Variants in SDK1 observed in about 807,000 individuals in gnomAD.
The protein encoded by SDK1 is protein sidekick-1.
A neutral mutation model predicts 245.5 loss-of-function variants in SDK1; 157 were observed. That is an observed-to-expected ratio of 0.64 (90% CI 0.56 to 0.73). The LOEUF (loss-of-function observed/expected upper bound fraction) is 0.73, where lower values mean the gene tolerates loss of function less well. Among genes scored for constraint, SDK1 ranks in the 30% least tolerant of loss-of-function variants. SDK1 has a pLI of 0.00. For missense variants in SDK1, 3,583 were observed against 3,002.3 expected, an observed-to-expected ratio of 1.19 and a Z score of -4.52; for synonymous variants, 1,647 against 1,278.5, an observed-to-expected ratio of 1.29 and a Z score of -6.15.
chr7:3,654,451 C>T (rs978049847), intron 4 of SDK1, among the ~76,000 whole-genome samples: 3 of 152,138 alleles, frequency 2.0e-5, no homozygotes, highest in African/African-American at 7.2e-5. Context: ...GTGAGGATTT[C>T]GTGTTTTCTT....
chr7:3,972,331 G>A (rs186490859), intron 12 of SDK1, among the ~76,000 whole-genome samples: 2 of 152,104 alleles, frequency 1.3e-5, no homozygotes, highest in Non-Finnish European at 2.9e-5. Context: ...CACCTGTCTC[G>A]GCCTCCCAAA....
intron 22 of SDK1, among the ~76,000 whole-genome samples, chr7:4,085,626 A>T (rs1056209536): frequency 3.3e-5 from 5 of 152,018 alleles, no homozygotes; most frequent in Non-Finnish European, 5.9e-5. Flanking sequence ...GTGATCTCAG[A>T]TCACTGCAAC....
chr7:3,351,862 G>C (rs1415714732), intron 1 of SDK1, among the ~76,000 whole-genome samples: 1 of 152,072 alleles, frequency 6.6e-6, no homozygotes, highest in East Asian at 1.9e-4. Flanking sequence ...AAGACTTAAA[G>C]AACATGATCA....
intron 32 of SDK1, among the ~76,000 whole-genome samples, chr7:4,170,720 A>G (rs916780948): frequency 1.3e-5 from 2 of 152,190 alleles, no homozygotes; most frequent in Non-Finnish European, 2.9e-5. Context: ...TAGACTCCAC[A>G]GGGAGGAAAC....
At chr7:3,492,989 C>G (rs190699716) in intron 1 of SDK1, among the ~76,000 whole-genome samples, 5 of 152,118 alleles carry the variant, frequency 3.3e-5, no homozygotes, top group Non-Finnish European at 7.4e-5. Flanking sequence ...CTTGCTCTCT[C>G]GCCCAGGCTG....
rs75643164 is a variant in SDK1 at position 3,902,964 on chromosome 7, C to G, written c.848-47959C>G. On this transcript the variant is annotated intron_variant, in intron 5 of 44. Coordinates refer to ENST00000404826, the MANE Select transcript of SDK1 (RefSeq NM_152744.4). Reference sequence around the variant, plus strand: ...ACAAATGGCCTAATTTTAAAATGGACAAAGGATTTTAATAGGCATTTTTCC... The same window carrying G: ...ACAAATGGCCTAATTTTAAAATGGAGAAAGGATTTTAATAGGCATTTTTCC... Among the ~76,000 whole-genome samples the G allele has an allele frequency of 5.4e-3, 823 of 151,854 alleles. 6 individuals carry two copies. The highest frequency in any genetic ancestry group is 0.019 in the African/African-American group (767 of 41,398).
rs368765118 is a variant in SDK1, at chr7:4,005,822, G to A, written c.2132-5144G>A. ...AAGGCAGACAGATTGCTTGAGTCCAGGTGTTCAAGACAAGCCTGAGCCACG... is the reference window on the plus strand; with the variant it reads ...AAGGCAGACAGATTGCTTGAGTCCAAGTGTTCAAGACAAGCCTGAGCCACG... On this transcript the variant is annotated intron_variant, in intron 14 of 44. Coordinates refer to ENST00000404826, the MANE Select transcript of SDK1 (RefSeq NM_152744.4). Among the ~76,000 whole-genome samples, 581 of 152,266 alleles carry A rather than the reference G, an allele frequency of 3.8e-3. 11 individuals are homozygous for A. The South Asian group carries it at 0.053, about 14-fold the overall frequency.
intron 18 of SDK1, among the ~76,000 whole-genome samples, chr7:4,051,150 ATATACATATAGTATATATG>A (rs1789441220): frequency 7.1e-6 from 1 of 139,908 alleles, no homozygotes; most frequent in South Asian, 2.2e-4. Flanking sequence ...TATGTATAAT[ATATACATATAGTATATATG>A]TATATATTAT....
At chr7:4,110,103 T>C (rs1255333584) in intron 22 of SDK1, among the ~76,000 whole-genome samples, 4 of 152,154 alleles carry the variant, frequency 2.6e-5, no homozygotes, top group Non-Finnish European at 5.9e-5. Flanking sequence ...GGCCTGCCGA[T>C]CTGGCTTCCA....
intron 1 of SDK1, among the ~76,000 whole-genome samples, chr7:3,614,293 T>C (rs1781697121): frequency 1.3e-5 from 2 of 152,340 alleles, no homozygotes; most frequent in Non-Finnish European, 2.9e-5. Context: ...GAAATTTCAC[T>C]TTTCCTTAGT....
chr7:3,485,508 C>G (rs903051839), intron 1 of SDK1, among the ~76,000 whole-genome samples: 4 of 152,020 alleles, frequency 2.6e-5, no homozygotes, highest in Non-Finnish European at 5.9e-5. Flanking sequence ...GGATGAGGTA[C>G]CAGGGTGTAG....
intron 6 of SDK1, among the ~76,000 whole-genome samples, chr7:3,951,526 T>C (rs930660346): frequency 3.3e-5 from 5 of 152,254 alleles, no homozygotes; most frequent in Non-Finnish European, 7.3e-5. Context: ...CCTTGCTTAA[T>C]AGCCCTTGAG....
intron 1 of SDK1, among the ~76,000 whole-genome samples, chr7:3,595,225 T>C (rs1027265510): frequency 1.3e-5 from 2 of 152,068 alleles, no homozygotes; most frequent in African/African-American, 2.4e-5. Context: ...CTTTATGATA[T>C]TTTGCTTGTA....
chr7:3,570,454 G>A (rs1290896211), intron 1 of SDK1, among the ~76,000 whole-genome samples: 2 of 152,082 alleles, frequency 1.3e-5, no homozygotes, highest in Admixed American at 1.3e-4. Flanking sequence ...AACAGGCTAT[G>A]GACGGGTACC....
intron 1 of SDK1, among the ~76,000 whole-genome samples, chr7:3,382,433 A>G (rs1267501376): frequency 7.2e-5 from 11 of 152,306 alleles, no homozygotes; most frequent in South Asian, 4.1e-4. Context: ...GAAATTGACT[A>G]TTTAGCAAGA....
chr7:4,038,227 C>T (rs1319452917), intron 17 of SDK1, among the ~76,000 whole-genome samples: 1 of 152,240 alleles, frequency 6.6e-6, no homozygotes, highest in Non-Finnish European at 1.5e-5. Context: ...ACTGAGGCCT[C>T]AGCTACTGCC....
intron 4 of SDK1, among the ~76,000 whole-genome samples, chr7:3,818,581 G>C (rs890894466): frequency 6.6e-6 from 1 of 152,148 alleles, no homozygotes; most frequent in South Asian, 2.1e-4. Context: ...ATCCAAAAAA[G>C]ATGTCATCGC....
rs192139217 is a variant in SDK1, at chr7:3,657,198, C to T, written c.713+15093C>T. Among the ~76,000 whole-genome samples the T allele has an allele frequency of 3.4e-4, 52 of 152,278 alleles. 1 individual carries two copies. In the East Asian group the frequency reaches 7.3e-3, roughly 21 times the overall value. Reference sequence around the variant, plus strand: ...GTGTCCCACCCAGGGCATTCGTGCACCTTAGGGCTGGGGCCATGAGGAGGC... The same window carrying T: ...GTGTCCCACCCAGGGCATTCGTGCATCTTAGGGCTGGGGCCATGAGGAGGC... On this transcript the variant is annotated intron_variant, in intron 4 of 44. Coordinates refer to ENST00000404826, the MANE Select transcript of SDK1 (RefSeq NM_152744.4).
intron 1 of SDK1, among the ~76,000 whole-genome samples, chr7:3,316,814 T>C (rs115039284): frequency 0.016 from 2,464 of 152,278 alleles, 56 homozygotes; most frequent in African/African-American, 0.05. Context: ...TTGTTTTCAA[T>C]TGTATCCCCC....
Sources: gnomAD v4.1 joint callset for allele counts (sites outside exome capture counted in the v4.1 genomes callset) on GRCh38, gnomAD v4.1.1 for gene constraint, MANE v1.5 for transcripts, NCBI Gene and HGNC (gene_info 2026-07-23, HGNC 2026-07-21) for gene names.